SRMS: variants seen among roughly 807,000 people sequenced by gnomAD.
SRMS encodes src-related kinase lacking C-terminal regulatory tyrosine and N-terminal myristylation sites, also known as tyrosine-protein kinase Srms.
Under a neutral mutation model 43.5 loss-of-function variants are expected in SRMS, and 42 were observed. That is an observed-to-expected ratio of 0.97 (90% CI 0.75 to 1.25). The LOEUF (loss-of-function observed/expected upper bound fraction) is 1.25, where lower values mean the gene tolerates loss of function less well. Among genes scored for constraint, SRMS ranks in the 50% most tolerant of loss-of-function variants. SRMS has a pLI of 0.00. For missense variants in SRMS, 703 were observed against 681.0 expected, an observed-to-expected ratio of 1.03 and a Z score of -0.36; for synonymous variants, 316 against 308.2, an observed-to-expected ratio of 1.03 and a Z score of -0.27.
chr20:63,547,616 C>T lies in SRMS; in HGVS notation c.-153G>A. ...GGCCCTGCGGTCACTCAGAGGTCCC[C>T]TGGATCCAGGAGGCACACGGTTCCC... On this transcript the variant is annotated 5_prime_UTR_variant, in exon 1 of 8. Transcript: ENST00000217188. 1 of 693,510 alleles carries T rather than the reference C, an allele frequency of 1.4e-6. No homozygotes were observed. Among genetic ancestry groups the T allele is most frequent in the Non-Finnish European group, 2.2e-6 (1 of 448,714 alleles). The allele number at this position is 693,510 out of a possible 1,614,324, so 43.0% of individuals were successfully genotyped here. A position where few individuals can be genotyped will look rare whatever the true frequency, so the allele number is the denominator to read the frequency against.
At position 63,547,708 on chromosome 20, in the gene SRMS, G is replaced by C. The variant is rs370097190; in HGVS notation, c.-245C>G. 6.6e-6 allele frequency among the ~76,000 whole-genome samples: 1 copy of C among 152,204 alleles called. No homozygotes were observed. Among genetic ancestry groups the C allele is most frequent in the African/African-American group, 2.4e-5 (1 of 41,464 alleles). ...GCGGACCCCCTGCCTCAGGCACACC[G>C]ACAGCACCTCCTGTCCTCGACCTCC... On this transcript the variant is annotated 5_prime_UTR_variant, in exon 1 of 8. Coordinates refer to ENST00000217188, the MANE Select transcript of SRMS (RefSeq NM_080823.4).
chr20:63,542,840 C>T (rs184523119), intron 3 of SRMS, among the ~76,000 whole-genome samples: 2 of 152,322 alleles, frequency 1.3e-5, no homozygotes, highest in African/African-American at 2.4e-5. Context: ...TGCCCCTGGC[C>T]GCGCTGTCAT....
chr20:63,542,615 G>C (rs376448387), intron 3 of SRMS, 34 bp from the exon 4 acceptor site: 2 of 1,579,386 alleles, frequency 1.3e-6, no homozygotes, highest in Admixed American at 1.7e-5. Flanking sequence ...GCTGGTCAGC[G>C]TGGGCCCCTG....
intron 3 of SRMS, 72 bp from the exon 4 acceptor site, chr20:63,542,653 A>C: frequency 6.7e-7 from 1 of 1,498,472 alleles, no homozygotes; most frequent in Non-Finnish European, 8.9e-7. Context: ...AGCCCCCCAC[A>C]CCAGGCCTCT....
Position 63,540,692 on chromosome 20 carries a change from G to T in SRMS, c.*126C>A. 8.1e-7 allele frequency: 1 copy of T among 1,242,028 alleles called. No homozygotes were observed. The highest frequency in any genetic ancestry group is 1.1e-6 in the Non-Finnish European group (1 of 905,790). 76.9% of individuals were successfully genotyped at this position (1,242,028 alleles called of 1,614,324 possible). A position where few individuals can be genotyped will look rare whatever the true frequency, so the allele number is the denominator to read the frequency against. ...GCCTGGTGCACGAACATGTGTGCAC[G>T]CCAGGGCCTGAGGCCCACAGCCAGA... On this transcript the variant is annotated 3_prime_UTR_variant, in exon 8 of 8. Transcript: ENST00000217188.
chr20:63,544,398 C>T (rs1462149240), intron 1 of SRMS, 50 bp from the exon 2 acceptor site: 1 of 1,424,834 alleles, frequency 7.0e-7, no homozygotes, highest in Non-Finnish European at 9.2e-7. Context: ...CAGCCAGTGG[C>T]CCCACATGCT....
chr20:63,543,631 G>A, intron 2 of SRMS, 151 bp from the exon 3 acceptor site: 1 of 960,734 alleles, frequency 1.0e-6, no homozygotes, highest in East Asian at 2.7e-5. Context: ...GGAGGAGGGA[G>A]TGTGGGCAGC....
At position 63,541,558 on chromosome 20, in the gene SRMS, C is replaced by T. The variant is rs780654954; in HGVS notation, c.1009G>A (p.Gly337Ser). The T allele has an allele frequency of 6.9e-6, 11 of 1,583,586 alleles. No homozygotes were observed. The highest frequency in any genetic ancestry group is 9.4e-6 in the Non-Finnish European group (11 of 1,167,666). Residue 337 changes from glycine to serine, a missense_variant, in exon 6 of 8, where the codon GGC (glycine) becomes AGC (serine). Gly to Ser is a moderately conservative substitution (Grantham distance 56, BLOSUM62 0). Transcript: ENST00000217188. ...CGCTGCTCCTCCAGGTAGCTCATGC[C>T]CTCAGCCACCTGGCAGGCAAAGCCC... ...LLGFACQVAEGMSYLEEQRVV... is the reference protein window; with the variant it reads ...LLGFACQVAESMSYLEEQRVV...
rs2082695670 is a variant in SRMS at position 63,540,257 on chromosome 20, C to T, written c.*561G>A. Among the ~76,000 whole-genome samples, 1 of 152,224 alleles carries T rather than the reference C, an allele frequency of 6.6e-6. No homozygotes were observed. Among genetic ancestry groups the T allele is most frequent in the Admixed American group, 6.5e-5 (1 of 15,282 alleles). On this transcript the variant is annotated 3_prime_UTR_variant, in exon 8 of 8. Coordinates refer to ENST00000217188, the MANE Select transcript of SRMS (RefSeq NM_080823.4). ...ACCCCGTGCCTACATACCACACATC[C>T]AGTGGGGTCAACACCACGGTCTGCC...
At chr20:63,546,858 C>G (rs1352988763) in intron 1 of SRMS, among the ~76,000 whole-genome samples, 4 of 152,188 alleles carry the variant, frequency 2.6e-5, no homozygotes, top group Admixed American at 2.6e-4. Context: ...GCTGATGCTC[C>G]CCCCCACAGG....
At chr20:63,542,998 G>A (rs1194741568) in intron 3 of SRMS, among the ~76,000 whole-genome samples, 5 of 152,114 alleles carry the variant, frequency 3.3e-5, no homozygotes, top group African/African-American at 4.8e-5. Context: ...TGGGGCCTGG[G>A]GCAGCCTTGA....
At chr20:63,543,253 C>T in intron 3 of SRMS, 61 bp downstream of exon 3, 2 of 1,576,634 alleles carry the variant, frequency 1.3e-6, no homozygotes, top group East Asian at 2.2e-5. Context: ...TGGGGAGGAG[C>T]ACCTAGAACA....
chr20:63,544,382 G>A (rs1403611927), intron 1 of SRMS, 34 bp from the exon 2 acceptor site: 1 of 1,439,946 alleles, frequency 6.9e-7, no homozygotes, highest in Non-Finnish European at 9.1e-7. Context: ...CACCTTGCAG[G>A]CCCCTCAGCC....
chr20:63,547,610 G>A lies in SRMS; in HGVS notation c.-147C>T. On this transcript the variant is annotated 5_prime_UTR_variant, in exon 1 of 8. Coordinates refer to ENST00000217188, the MANE Select transcript of SRMS (RefSeq NM_080823.4). ...GACCCCGGCCCTGCGGTCACTCAGA[G>A]GTCCCCTGGATCCAGGAGGCACACG... 1.4e-6 allele frequency: 1 copy of A among 719,908 alleles called. No homozygotes were observed. The highest frequency in any genetic ancestry group is 2.1e-6 in the Non-Finnish European group (1 of 470,670). 44.6% of individuals were successfully genotyped at this position (719,908 alleles called of 1,614,324 possible). A position where few individuals can be genotyped will look rare whatever the true frequency, so the allele number is the denominator to read the frequency against.
At chr20:63,542,076 G>A (rs2082707349) in intron 5 of SRMS, 87 bp downstream of exon 5, 1 of 1,523,576 alleles carries the variant, frequency 6.6e-7, no homozygotes, top group Non-Finnish European at 8.8e-7. Context: ...GTTCACCTCG[G>A]AAACCCCGCA....
rs1413431889 is a variant in SRMS, at chr20:63,541,642, C to G, written c.947-22G>C. The stretch of plus-strand genomic sequence containing the variant: ...GGGGCTGCAGGAGACAGCGCGGGGT[C>G]TTTTAGGGCACGGGGCCAACGGCCG... On this transcript the variant is annotated intron_variant, in intron 5 of 7. Transcript: ENST00000217188. 3 of 1,489,758 alleles carry G rather than the reference C, an allele frequency of 2.0e-6. No individual in the cohort carries two copies. The African/African-American group carries it at 4.2e-5, about 21-fold the overall frequency. The allele number at this position is 1,489,758 out of a possible 1,614,324, so 92.3% of individuals were successfully genotyped here.
chr20:63,546,905 G>A (rs548949394), intron 1 of SRMS, among the ~76,000 whole-genome samples: 3 of 152,190 alleles, frequency 2.0e-5, no homozygotes, highest in South Asian at 2.1e-4. Context: ...TCTCCCTCTC[G>A]GCAGCCCACA....
intron 1 of SRMS, 134 bp from the exon 2 acceptor site, chr20:63,544,482 T>A: frequency 8.4e-7 from 1 of 1,184,374 alleles, no homozygotes; most frequent in East Asian, 3.2e-5. Context: ...CCGTGGACTT[T>A]GAGTCCCAGC....
intron 1 of SRMS, 118 bp from the exon 2 acceptor site, chr20:63,544,466 T>C (rs1600946617): frequency 7.7e-7 from 1 of 1,292,406 alleles, no homozygotes; most frequent in Non-Finnish European, 1.0e-6. Context: ...AGGGAGAAGG[T>C]CCACCCCGTG....
Sources: gnomAD v4.1 joint callset for allele counts (sites outside exome capture counted in the v4.1 genomes callset) on GRCh38, gnomAD v4.1.1 for gene constraint, MANE v1.5 for transcripts, NCBI Gene and HGNC (gene_info 2026-07-23, HGNC 2026-07-21) for gene names.